CDH13: variants seen among roughly 807,000 people sequenced by gnomAD.
The protein encoded by CDH13 is cadherin 13, also known as cadherin-13.
In CDH13, 24 loss-of-function variants were observed where a neutral mutation model predicts 63.8. The ratio of observed to expected loss-of-function variants is 0.38; its 90% CI spans 0.27 to 0.53. The LOEUF (loss-of-function observed/expected upper bound fraction) is 0.53. Ranked by LOEUF, CDH13 falls within the 20% of genes least tolerant of loss-of-function variation. The pLI is 0.85. For synonymous variants in CDH13, 503 were observed against 355.3 expected (o/e 1.42, Z -4.67); for missense variants, 1,049 against 903.1 (o/e 1.16, Z -2.07).
intron 1 of CDH13, among the ~76,000 whole-genome samples, chr16:82,853,190 C>A (rs1212425635): frequency 6.6e-6 from 1 of 152,152 alleles, no homozygotes; most frequent in African/African-American, 2.4e-5. Context: ...TCATATCAGG[C>A]ACTGATGTTC....
intron 2 of CDH13, among the ~76,000 whole-genome samples, chr16:82,879,459 A>G (rs1399095349): frequency 2.1e-5 from 3 of 145,938 alleles, no homozygotes; most frequent in East Asian, 3.9e-4. Context: ...GTAGAAAAAT[A>G]TATATTAAAT....
chr16:83,549,852 ACTGTT>A (rs900568950), intron 7 of CDH13, among the ~76,000 whole-genome samples: 1 of 152,182 alleles, frequency 6.6e-6, no homozygotes, highest in Non-Finnish European at 1.5e-5. Context: ...GGCATTTGTA[ACTGTT>A]GGTGGCAGGA....
chr16:82,679,447 G>A (rs893902493), intron 1 of CDH13, among the ~76,000 whole-genome samples: 1 of 152,188 alleles, frequency 6.6e-6, no homozygotes, highest in South Asian at 2.1e-4. Flanking sequence ...CTACTAAAAT[G>A]GCTTGTGAGC....
intron 5 of CDH13, among the ~76,000 whole-genome samples, chr16:83,285,116 T>A (rs1567563762): frequency 6.6e-6 from 1 of 152,156 alleles, no homozygotes; most frequent in Non-Finnish European, 1.5e-5. Flanking sequence ...AGAAGTACAT[T>A]TTGTCTGGAG....
chr16:83,787,761 G>A (rs1915982785), intron 13 of CDH13, among the ~76,000 whole-genome samples: 1 of 152,186 alleles, frequency 6.6e-6, no homozygotes, highest in Non-Finnish European at 1.5e-5. Flanking sequence ...TGGCCAACAT[G>A]GCCAAACCCC....
At chr16:82,828,086 G>C (rs1958689392) in intron 1 of CDH13, among the ~76,000 whole-genome samples, 1 of 152,130 alleles carries the variant, frequency 6.6e-6, no homozygotes, top group Non-Finnish European at 1.5e-5. Flanking sequence ...TTTCTGGATG[G>C]GTTGAGTCTG....
At chr16:83,527,130 C>A (rs1475303735) in intron 7 of CDH13, among the ~76,000 whole-genome samples, 2 of 148,084 alleles carry the variant, frequency 1.4e-5, no homozygotes, top group Non-Finnish European at 3.0e-5. Context: ...GACTCTGTCT[C>A]AAAAAAAAAA....
chr16:83,301,332 G>C (rs1423645539), intron 5 of CDH13, among the ~76,000 whole-genome samples: 1 of 152,060 alleles, frequency 6.6e-6, no homozygotes, highest in East Asian at 1.9e-4. Flanking sequence ...CACCTGGTCA[G>C]GGTTTTATTT....
At chr16:83,770,031 T>C (rs1229161576) in intron 11 of CDH13, among the ~76,000 whole-genome samples, 1 of 152,140 alleles carries the variant, frequency 6.6e-6, no homozygotes, top group Non-Finnish European at 1.5e-5. Context: ...ACCCAGAACC[T>C]GGCATGCAAT....
At chr16:82,784,275 C>A (rs553241205) in intron 1 of CDH13, among the ~76,000 whole-genome samples, 1 of 152,306 alleles carries the variant, frequency 6.6e-6, no homozygotes, top group East Asian at 1.9e-4. Flanking sequence ...GTTGACATCC[C>A]TGTCGGCCAG....
chr16:82,997,004 A>G (rs1279280722), intron 2 of CDH13, among the ~76,000 whole-genome samples: 78 of 123,364 alleles, frequency 6.3e-4, no homozygotes, highest in Middle Eastern at 5.6e-3. Context: ...TGATGATGAT[A>G]GTGATGGTGA....
At chr16:83,536,216 C>T (rs981178525) in intron 7 of CDH13, among the ~76,000 whole-genome samples, 2 of 152,186 alleles carry the variant, frequency 1.3e-5, no homozygotes, top group African/African-American at 4.8e-5. Context: ...AACCAACAGT[C>T]ATTGTCTTCA....
At chr16:83,715,647 T>C (rs1162087772) in intron 10 of CDH13, among the ~76,000 whole-genome samples, 1 of 151,990 alleles carries the variant, frequency 6.6e-6, no homozygotes, top group Non-Finnish European at 1.5e-5. Context: ...GAGGGCTGTG[T>C]GTCGCTGACA....
chr16:82,640,451 C>T (rs1399097315), intron 1 of CDH13, among the ~76,000 whole-genome samples: 1 of 152,038 alleles, frequency 6.6e-6, no homozygotes, highest in Non-Finnish European at 1.5e-5. Context: ...TGTAATGAGC[C>T]ATCTAGTAAA....
intron 8 of CDH13, among the ~76,000 whole-genome samples, chr16:83,616,362 G>A (rs751928083): frequency 5.9e-5 from 9 of 151,990 alleles, no homozygotes; most frequent in Admixed American, 2.6e-4. Flanking sequence ...AATTATATTC[G>A]TGATGTGTTG....
chr16:83,691,584 G>T (rs1212109247), intron 10 of CDH13, among the ~76,000 whole-genome samples: 2 of 152,060 alleles, frequency 1.3e-5, no homozygotes, highest in Non-Finnish European at 2.9e-5. Flanking sequence ...TGGGAGGCCA[G>T]GGCAGGTGGG....
At chr16:83,003,795 C>T (rs911441844) in intron 2 of CDH13, among the ~76,000 whole-genome samples, 4 of 152,192 alleles carry the variant, frequency 2.6e-5, no homozygotes, top group Non-Finnish European at 5.9e-5. Flanking sequence ...GAAGCAGTTA[C>T]AGAAATGTGA....
chr16:83,112,484 G>T (rs962473451), intron 3 of CDH13, among the ~76,000 whole-genome samples: 3 of 152,168 alleles, frequency 2.0e-5, no homozygotes, highest in African/African-American at 7.2e-5. Context: ...TATTTGGAGG[G>T]CTTAATGTGT....
At chr16:82,979,105 C>T (rs529684966) in intron 2 of CDH13, among the ~76,000 whole-genome samples, 1 of 152,234 alleles carries the variant, frequency 6.6e-6, no homozygotes, top group Non-Finnish European at 1.5e-5. Context: ...TCTAGACTTG[C>T]ATGGGGCCTG....
Sources: allele counts gnomAD v4.1 joint callset (sites outside exome capture counted in the v4.1 genomes callset), GRCh38; gene constraint gnomAD v4.1.1; transcripts MANE v1.5; gene names NCBI Gene and HGNC (gene_info 2026-07-23, HGNC 2026-07-21).